Variants in PGGT1B observed in about 807,000 individuals in gnomAD.
The protein encoded by PGGT1B is protein geranylgeranyltransferase type I subunit beta.
Under a neutral mutation model 46.1 loss-of-function variants are expected in PGGT1B, and 30 were observed. The ratio of observed to expected loss-of-function variants is 0.65; its 90% confidence interval spans 0.49 to 0.88. PGGT1B has a LOEUF of 0.88. Among genes scored for constraint, PGGT1B ranks in the 40% least tolerant of loss-of-function variants. PGGT1B has a pLI of 0.00. For synonymous variants in PGGT1B, 170 were observed against 160.0 expected (o/e 1.06, Z -0.47); for missense variants, 376 against 455.9 (o/e 0.82, Z 1.60).
intron 6 of PGGT1B, among the ~76,000 whole-genome samples, chr5:115,226,603 T>C (rs1188552054): frequency 6.6e-6 from 1 of 151,932 alleles, no homozygotes; most frequent in Admixed American, 6.6e-5. Flanking sequence ...AGAAACTAAA[T>C]TAATAACAAA....
intron 7 of PGGT1B, among the ~76,000 whole-genome samples, chr5:115,217,461 A>G (rs1157206919): frequency 6.6e-6 from 1 of 152,150 alleles, no homozygotes; most frequent in Non-Finnish European, 1.5e-5. Context: ...TAATTAGGAA[A>G]GAAAAAGGTA....
At chr5:115,235,712 T>C (rs1757159651) in intron 5 of PGGT1B, among the ~76,000 whole-genome samples, 1 of 152,152 alleles carries the variant, frequency 6.6e-6, no homozygotes, top group African/African-American at 2.4e-5. Context: ...TTTTAAAATT[T>C]GGGCTGTTGT....
intron 6 of PGGT1B, among the ~76,000 whole-genome samples, chr5:115,225,150 A>G (rs1367136768): frequency 6.6e-6 from 1 of 152,228 alleles, no homozygotes; most frequent in Non-Finnish European, 1.5e-5. Context: ...AAGACATAGT[A>G]TGAACAAAAG....
intron 1 of PGGT1B, among the ~76,000 whole-genome samples, chr5:115,254,401 G>A (rs756396463): frequency 1.8e-4 from 27 of 151,942 alleles, no homozygotes; most frequent in South Asian, 2.1e-4. Flanking sequence ...TCTTACACAC[G>A]AAGCTTATTT....
intron 7 of PGGT1B, among the ~76,000 whole-genome samples, chr5:115,218,628 A>G (rs1756497705): frequency 6.6e-6 from 1 of 151,454 alleles, no homozygotes; most frequent in African/African-American, 2.4e-5. Context: ...TTCTCTGTAC[A>G]AAGTATATCT....
rs1580779193 is a variant in PGGT1B at position 115,252,928 on chromosome 5, T to C, written c.259+209A>G. 1.0e-5 allele frequency: 5 copies of C among 499,464 alleles called. No individual in the cohort carries two copies. In the East Asian group the frequency reaches 1.9e-4, roughly 19 times the overall value. 30.9% of individuals were successfully genotyped at this position (499,464 alleles called of 1,614,324 possible). A position where few individuals can be genotyped will look rare whatever the true frequency, so the allele number is the denominator to read the frequency against. ...GCCACAACTGTGAATCTCTATTAAA[T>C]TCCAGATAACTCTAAATTGTTTTCT... On this transcript the variant is annotated intron_variant, in intron 2 of 8. Transcript: ENST00000419445.
chr5:115,226,852 G>T (rs1485078914), intron 6 of PGGT1B, among the ~76,000 whole-genome samples: 1 of 151,932 alleles, frequency 6.6e-6, no homozygotes, highest in Non-Finnish European at 1.5e-5. Context: ...AAAAGATGAA[G>T]AAATGTTTTA....
chr5:115,244,740 G>C (rs1013181383), intron 2 of PGGT1B, among the ~76,000 whole-genome samples: 3 of 151,688 alleles, frequency 2.0e-5, no homozygotes, highest in South Asian at 4.2e-4. Flanking sequence ...ACAGGCATGA[G>C]CTACCACGCC....
intron 6 of PGGT1B, among the ~76,000 whole-genome samples, chr5:115,230,756 T>C (rs1756953507): frequency 6.6e-6 from 1 of 152,092 alleles, no homozygotes; most frequent in South Asian, 2.1e-4. Context: ...GAAAACATCA[T>C]ATGAACATCC....
intron 7 of PGGT1B, 128 bp from the exon 8 acceptor site, chr5:115,217,101 C>A (rs1359252520): frequency 3.2e-6 from 2 of 615,644 alleles, no homozygotes; most frequent in Non-Finnish European, 5.8e-6. Flanking sequence ...GTCTCTGGGG[C>A]CTTGAGCACT....
intron 2 of PGGT1B, among the ~76,000 whole-genome samples, chr5:115,244,731 C>T (rs1460854389): frequency 1.3e-5 from 2 of 151,788 alleles, no homozygotes; most frequent in African/African-American, 2.4e-5. Flanking sequence ...GCTAGGACTA[C>T]AGGCATGAGC....
intron 7 of PGGT1B, among the ~76,000 whole-genome samples, chr5:115,217,419 A>G (rs1756455366): frequency 6.6e-6 from 1 of 152,140 alleles, no homozygotes; most frequent in African/African-American, 2.4e-5. Flanking sequence ...TGCTACAGAC[A>G]GTTTTGAAAA....
intron 1 of PGGT1B, among the ~76,000 whole-genome samples, chr5:115,256,012 T>C (rs1456183435): frequency 6.6e-6 from 1 of 152,150 alleles, no homozygotes; most frequent in African/African-American, 2.4e-5. Flanking sequence ...GGGTGTAAGG[T>C]GGGGTCTGGG....
intron 6 of PGGT1B, among the ~76,000 whole-genome samples, chr5:115,227,160 T>C (rs1756815065): frequency 6.6e-6 from 1 of 152,180 alleles, no homozygotes. Context: ...ATGAGATTAC[T>C]GAGCAAGCAC....
chr5:115,237,829 C>CA, intron 4 of PGGT1B, 29 bp downstream of exon 4: 1 of 1,589,516 alleles, frequency 6.3e-7, no homozygotes, highest in South Asian at 1.1e-5. Flanking sequence ...TTGTTTATTA[C>CA]AAAAAAAGTA....
At chr5:115,223,260 A>G (rs748217328) in intron 6 of PGGT1B, among the ~76,000 whole-genome samples, 8 of 152,274 alleles carry the variant, frequency 5.3e-5, no homozygotes, top group African/African-American at 9.6e-5. Flanking sequence ...TGCCTCCCCA[A>G]TATTTAAGTC....
intron 8 of PGGT1B, among the ~76,000 whole-genome samples, chr5:115,215,250 A>G (rs767065122): frequency 2.6e-5 from 4 of 152,100 alleles, no homozygotes; most frequent in Non-Finnish European, 4.4e-5. Flanking sequence ...CACCAGCATC[A>G]GCCTCCCAAA....
intron 1 of PGGT1B, among the ~76,000 whole-genome samples, chr5:115,253,665 T>C (rs1210143516): frequency 6.6e-6 from 1 of 152,032 alleles, no homozygotes; most frequent in Non-Finnish European, 1.5e-5. Flanking sequence ...TTGTATTTAA[T>C]TCTGGAGGAA....
chr5:115,247,553 T>C (rs1747906895), intron 2 of PGGT1B, among the ~76,000 whole-genome samples: 1 of 152,138 alleles, frequency 6.6e-6, no homozygotes, highest in African/African-American at 2.4e-5. Context: ...ATTTTATGGA[T>C]AGAGAAATAA....
Sources: gnomAD v4.1 joint callset for allele counts (sites outside exome capture counted in the v4.1 genomes callset) on GRCh38, gnomAD v4.1.1 for gene constraint, MANE v1.5 for transcripts, NCBI Gene and HGNC (gene_info 2026-07-23, HGNC 2026-07-21) for gene names.